Variants in MCC observed in about 807,000 individuals in gnomAD.
MCC encodes the protein MCC regulator of Wnt signaling pathway, also known as colorectal mutant cancer protein.
Under a neutral mutation model 116.2 loss-of-function variants are expected in MCC, and 90 were observed. The observed-to-expected ratio is 0.77, with a 90% CI of 0.65 to 0.92. MCC has a LOEUF of 0.92. Among genes scored for constraint, MCC ranks in the 40% least tolerant of loss-of-function variants. The pLI, the probability that MCC is intolerant of heterozygous loss-of-function variation, is 0.00. For synonymous variants in MCC, 578 were observed against 510.5 expected (o/e 1.13, Z -1.78); for missense variants, 1,516 against 1,312.2 (o/e 1.16, Z -2.40).
intron 3 of MCC, among the ~76,000 whole-genome samples, chr5:113,199,316 C>G (rs529975947): frequency 3.4e-4 from 51 of 152,192 alleles, no homozygotes; most frequent in African/African-American, 1.2e-3. Flanking sequence ...ACAAGACACA[C>G]AGAACAGGAG....
chr5:113,169,418 C>T (rs183299070), intron 3 of MCC, among the ~76,000 whole-genome samples: 2 of 152,210 alleles, frequency 1.3e-5, no homozygotes, highest in East Asian at 3.9e-4. Flanking sequence ...GCATAGTCTC[C>T]TGTAATGCCA....
chr5:113,044,376 A>G, intron 16 of MCC: 3 of 486,366 alleles, frequency 6.2e-6, no homozygotes, highest in Non-Finnish European at 8.0e-6. Context: ...TCCTATAGTT[A>G]AGACTATTCA....
chr5:113,412,153 C>T (rs1770011312), intron 1 of MCC, among the ~76,000 whole-genome samples: 1 of 152,156 alleles, frequency 6.6e-6, no homozygotes, highest in African/African-American at 2.4e-5. Context: ...GTAGCAGTAC[C>T]ATGCTATTTT....
chr5:113,228,401 T>C (rs1024584666), intron 3 of MCC, among the ~76,000 whole-genome samples: 3 of 152,102 alleles, frequency 2.0e-5, no homozygotes, highest in African/African-American at 7.2e-5. Context: ...AAGAAGGGTA[T>C]TGCCAGACTT....
intron 3 of MCC, among the ~76,000 whole-genome samples, chr5:113,252,550 T>C (rs6594694): frequency 0.014 from 2,066 of 152,260 alleles, 48 homozygotes; most frequent in African/African-American, 0.047. Flanking sequence ...AGGATTCCCA[T>C]TGATTCTGTA....
chr5:113,251,247 G>A (rs965870533), intron 3 of MCC, among the ~76,000 whole-genome samples: 1 of 152,136 alleles, frequency 6.6e-6, no homozygotes, highest in South Asian at 2.1e-4. Flanking sequence ...AAGCCAAAAG[G>A]TATTTTCTTC....
chr5:113,276,526 T>C lies in MCC; in HGVS notation c.627+63993A>G, dbSNP rs112367404. ...AGATATTAGAAAACACAAAGTTATG[T>C]AGGTGTGCTTATAACGAACACAGAT... On this transcript the variant is annotated intron_variant, in intron 3 of 18. Transcript: ENST00000408903. Among the ~76,000 whole-genome samples the C allele has an allele frequency of 2.0e-3, 304 of 152,330 alleles. 3 individuals carry two copies. The highest frequency in any genetic ancestry group is 6.5e-3 in the African/African-American group (271 of 41,566).
intron 17 of MCC, among the ~76,000 whole-genome samples, chr5:113,034,544 A>G (rs1282227781): frequency 6.6e-6 from 1 of 152,272 alleles, no homozygotes; most frequent in Admixed American, 6.5e-5. Flanking sequence ...ACAGCTGGCC[A>G]GGAAACCTTT....
Position 113,254,669 on chromosome 5 carries a change from C to T in MCC, c.627+85850G>A, listed in dbSNP as rs144527270. Reference sequence around the variant, plus strand: ...CCCAGAACACCTCTGTTCAAGTGGCCTATGCTTGGTTAATAACCTAGGATT... The same window carrying T: ...CCCAGAACACCTCTGTTCAAGTGGCTTATGCTTGGTTAATAACCTAGGATT... On this transcript the variant is annotated intron_variant, in intron 3 of 18. Transcript: ENST00000408903. Among the ~76,000 whole-genome samples, 15 of 152,256 alleles carry T rather than the reference C, an allele frequency of 9.9e-5. No individual in the cohort carries two copies. The East Asian group carries it at 2.9e-3, about 29-fold the overall frequency.
intron 16 of MCC, among the ~76,000 whole-genome samples, chr5:113,045,493 C>T (rs1292422983): frequency 6.6e-6 from 1 of 152,070 alleles, no homozygotes; most frequent in African/African-American, 2.4e-5. Context: ...TAAATGTCAG[C>T]ATCCATACAT....
chr5:113,324,395 TATTC>T (rs1398556005), intron 3 of MCC, among the ~76,000 whole-genome samples: 2 of 152,208 alleles, frequency 1.3e-5, no homozygotes, highest in Non-Finnish European at 2.9e-5. Context: ...ACACACATAA[TATTC>T]ATTGCAAAAA....
chr5:113,041,721 G>A (rs1751716523), intron 17 of MCC, among the ~76,000 whole-genome samples: 1 of 152,232 alleles, frequency 6.6e-6, no homozygotes, highest in Non-Finnish European at 1.5e-5. Context: ...ATGGCCGGGT[G>A]CAGTGGCTCA....
chr5:113,128,784 C>T (rs1758253964), intron 5 of MCC, among the ~76,000 whole-genome samples: 1 of 152,136 alleles, frequency 6.6e-6, no homozygotes, highest in South Asian at 2.1e-4. Flanking sequence ...TATTTCATTG[C>T]ATTATACTTT....
At chr5:113,034,992 C>T (rs975946385) in intron 17 of MCC, among the ~76,000 whole-genome samples, 1 of 152,144 alleles carries the variant, frequency 6.6e-6, no homozygotes, top group Non-Finnish European at 1.5e-5. Flanking sequence ...TAATGGACTC[C>T]CTCCATTCCC....
At chr5:113,404,934 C>T (rs963063287) in intron 1 of MCC, among the ~76,000 whole-genome samples, 10 of 152,302 alleles carry the variant, frequency 6.6e-5, no homozygotes, top group South Asian at 2.1e-4. Context: ...AGGAGACCTA[C>T]GGAGCTGTTA....
rs150396862 is a variant in MCC at position 113,314,208 on chromosome 5, T to A, written c.627+26311A>T. 2.6e-5 allele frequency among the ~76,000 whole-genome samples: 4 copies of A among 152,302 alleles called. No homozygotes were observed. In the East Asian group the frequency reaches 5.8e-4, roughly 22 times the overall value. On this transcript the variant is annotated intron_variant, in intron 3 of 18. Transcript: ENST00000408903. ...ATCTGTCATTTTCTAGGCAAAATGA[T>A]AGAGTATAATTTAAAAATCATGGGG...
At position 113,104,243 on chromosome 5, in the gene MCC, C is replaced by T. The variant is rs752077099; in HGVS notation, c.1140G>A (p.Lys380=). Residue 380 remains lysine (K), a synonymous_variant, in exon 7 of 19, where the codon AAG becomes AAA. Coordinates refer to ENST00000408903, the MANE Select transcript of MCC (RefSeq NM_001085377.2). ...TGGCTGTGGTGAGCTGCTCAATGTG[C>T]TTGTCCACCTCGGCCACGGAGAGGC... The part of the protein sequence containing the change: ...SCSLSVAEVD[K]HIEQLTTASE... 7.0e-5 allele frequency: 113 copies of T among 1,613,946 alleles called. No homozygotes were observed. The highest frequency in any genetic ancestry group is 9.3e-5 in the Non-Finnish European group (110 of 1,180,028).
chr5:113,269,689 G>A (rs531477386), intron 3 of MCC, among the ~76,000 whole-genome samples: 1 of 152,236 alleles, frequency 6.6e-6, no homozygotes, highest in Admixed American at 6.5e-5. Flanking sequence ...TTTTTATTTG[G>A]TCAGAAAGGG....
chr5:113,472,589 T>C (rs1388594890), intron 1 of MCC, among the ~76,000 whole-genome samples: 1 of 152,268 alleles, frequency 6.6e-6, no homozygotes, highest in East Asian at 1.9e-4. Context: ...TGTTCTGCTC[T>C]GACAGTTATC....
Sources: gnomAD v4.1 joint callset for allele counts (sites outside exome capture counted in the v4.1 genomes callset) on GRCh38, gnomAD v4.1.1 for gene constraint, MANE v1.5 for transcripts, NCBI Gene and HGNC (gene_info 2026-07-23, HGNC 2026-07-21) for gene names.